Variants in CDH12 observed in about 807,000 individuals in gnomAD.
CDH12 encodes cadherin 12.
Under a neutral mutation model 74.1 loss-of-function variants are expected in CDH12, and 41 were observed. That is an observed-to-expected ratio of 0.55 (90% CI 0.43 to 0.72). The LOEUF (loss-of-function observed/expected upper bound fraction) is 0.72, where lower values mean the gene tolerates loss of function less well. Ranked by LOEUF, CDH12 falls within the 30% of genes least tolerant of loss-of-function variation. The probability of loss-of-function intolerance (pLI) is 0.00; values close to 1 mark genes in which losing one functional copy is unlikely to be tolerated. For synonymous variants in CDH12, 399 were observed against 355.0 expected (o/e 1.12, Z -1.39); for missense variants, 945 against 977.2 (o/e 0.97, Z 0.44).
intron 3 of CDH12, among the ~76,000 whole-genome samples, chr5:22,347,062 TA>T (rs1386570948): frequency 6.6e-6 from 1 of 152,206 alleles, no homozygotes; most frequent in Non-Finnish European, 1.5e-5. Flanking sequence ...TTCTAAAGGA[TA>T]AAAGTGATTG....
chr5:22,568,822 T>A (rs181191779), intron 1 of CDH12, among the ~76,000 whole-genome samples: 1 of 152,288 alleles, frequency 6.6e-6, no homozygotes, highest in Non-Finnish European at 1.5e-5. Context: ...TGCGATAGTA[T>A]GATGACTAAA....
At position 22,340,500 on chromosome 5, in the gene CDH12, T is replaced by G. The variant is rs368810355; in HGVS notation, c.-333+64757A>C. ...GAGATCGCACCACTGCACTCCAGCC[T>G]GGGCAACAGAAGGAGACTCCGTCTC... is the stretch of plus-strand genomic sequence containing the variant. On this transcript the variant is annotated intron_variant, in intron 3 of 14. Coordinates refer to ENST00000382254, the MANE Select transcript of CDH12 (RefSeq NM_004061.5). Among the ~76,000 whole-genome samples the G allele has an allele frequency of 2.8e-5, 4 of 145,352 alleles. No individual in the cohort carries two copies. In the East Asian group the frequency reaches 8.1e-4, roughly 29 times the overall value.
chr5:22,618,733 T>A (rs979495053), intron 1 of CDH12, among the ~76,000 whole-genome samples: 1 of 152,128 alleles, frequency 6.6e-6, no homozygotes, highest in Non-Finnish European at 1.5e-5. Context: ...TTTGGCTGTG[T>A]CTTCATGCTA....
intron 3 of CDH12, among the ~76,000 whole-genome samples, chr5:22,346,745 C>T (rs1740132006): frequency 2.0e-5 from 3 of 152,144 alleles, no homozygotes; most frequent in Non-Finnish European, 4.4e-5. Flanking sequence ...CGAGCTCTTG[C>T]TAAAGGGATC....
intron 2 of CDH12, among the ~76,000 whole-genome samples, chr5:22,485,882 T>C (rs1159023499): frequency 6.6e-6 from 1 of 152,216 alleles, no homozygotes; most frequent in Non-Finnish European, 1.5e-5. Flanking sequence ...TAAGAAATAT[T>C]TTGCTAGGAG....
intron 1 of CDH12, among the ~76,000 whole-genome samples, chr5:22,579,514 T>A (rs960217247): frequency 9.2e-5 from 14 of 152,192 alleles, no homozygotes; most frequent in Non-Finnish European, 1.9e-4. Flanking sequence ...GATTTGTATG[T>A]GTTTTAAATC....
At chr5:22,756,578 G>T (rs1745927235) in intron 1 of CDH12, among the ~76,000 whole-genome samples, 1 of 151,940 alleles carries the variant, frequency 6.6e-6, no homozygotes, top group African/African-American at 2.4e-5. Flanking sequence ...CTCTAAAAAG[G>T]ATTCTTCATA....
intron 3 of CDH12, among the ~76,000 whole-genome samples, chr5:22,277,615 C>T (rs1444126): frequency 2.7e-5 from 1 of 37,468 alleles, no homozygotes; most frequent in Non-Finnish European, 5.9e-5. Flanking sequence ...GGGGGATCAC[C>T]TGAGGTTGGG....
At chr5:22,258,550 A>G (rs914057622) in intron 3 of CDH12, among the ~76,000 whole-genome samples, 1 of 144,880 alleles carries the variant, frequency 6.9e-6, no homozygotes, top group African/African-American at 2.6e-5. Flanking sequence ...TTAAAAGTTA[A>G]AAAAAAAAAA....
chr5:21,888,904 T>A (rs62350978), intron 6 of CDH12, among the ~76,000 whole-genome samples: 1 of 152,014 alleles, frequency 6.6e-6, no homozygotes, highest in Non-Finnish European at 1.5e-5. Flanking sequence ...GATTTTAAGC[T>A]TCTATCATTA....
chr5:22,709,299 G>A (rs964961583), intron 1 of CDH12, among the ~76,000 whole-genome samples: 1 of 152,018 alleles, frequency 6.6e-6, no homozygotes, highest in Non-Finnish European at 1.5e-5. Flanking sequence ...TTACAAGGTG[G>A]TACATGACAG....
intron 5 of CDH12, among the ~76,000 whole-genome samples, chr5:22,062,268 T>C (rs1024278440): frequency 6.6e-6 from 1 of 152,102 alleles, no homozygotes; most frequent in Non-Finnish European, 1.5e-5. Flanking sequence ...AATAAATAAA[T>C]TGTAAAGGAG....
In CDH12 at chr5:22,373,307, T is replaced by C. The variant is rs1283674222; in HGVS notation, c.-333+31950A>G. On this transcript the variant is annotated intron_variant, in intron 3 of 14. Transcript: ENST00000382254. ...TGTGTGGACTGACCTGCCCAGCCCA[T>C]TGCAGCCACCACTAGTGCCAGCATG... Among the ~76,000 whole-genome samples the C allele has an allele frequency of 3.9e-5, 6 of 152,070 alleles. No individual in the cohort carries two copies. In the South Asian group the frequency reaches 1.0e-3, roughly 26 times the overall value.
chr5:21,802,899 C>A (rs1441926251), intron 9 of CDH12, among the ~76,000 whole-genome samples: 1 of 152,070 alleles, frequency 6.6e-6, no homozygotes, highest in Non-Finnish European at 1.5e-5. Flanking sequence ...AGAAAAGAAT[C>A]ACGTCCATGT....
At chr5:21,927,508 T>G (rs556250216) in intron 6 of CDH12, among the ~76,000 whole-genome samples, 1 of 152,070 alleles carries the variant, frequency 6.6e-6, no homozygotes, top group South Asian at 2.1e-4. Context: ...CAAGAATCAC[T>G]TGAACCCGGG....
At chr5:22,058,498 T>G (rs1740913384) in intron 5 of CDH12, among the ~76,000 whole-genome samples, 1 of 152,110 alleles carries the variant, frequency 6.6e-6, no homozygotes, top group South Asian at 2.1e-4. Context: ...GAAAATTTTT[T>G]GGAAATCTTT....
chr5:21,985,998 G>A (rs537771766), intron 5 of CDH12, among the ~76,000 whole-genome samples: 1 of 152,148 alleles, frequency 6.6e-6, no homozygotes, highest in African/African-American at 2.4e-5. Context: ...TAGTTTAATT[G>A]TTGCTATATG....
At chr5:22,275,725 C>G (rs1208241912) in intron 3 of CDH12, among the ~76,000 whole-genome samples, 1 of 152,144 alleles carries the variant, frequency 6.6e-6, no homozygotes, top group South Asian at 2.1e-4. Flanking sequence ...TGGTTAAAAT[C>G]ATTTTCAATG....
At chr5:22,394,157 C>T (rs1207761419) in intron 3 of CDH12, among the ~76,000 whole-genome samples, 1 of 152,048 alleles carries the variant, frequency 6.6e-6, no homozygotes, top group Admixed American at 6.6e-5. Flanking sequence ...TACTGGACAA[C>T]CTTCTGCCAA....
Sources: allele counts gnomAD v4.1 joint callset (sites outside exome capture counted in the v4.1 genomes callset), GRCh38; gene constraint gnomAD v4.1.1; transcripts MANE v1.5; gene names NCBI Gene and HGNC (gene_info 2026-07-23, HGNC 2026-07-21).